Variants in PSAT1 observed in about 807,000 individuals in gnomAD.
PSAT1 encodes the protein phosphoserine aminotransferase.
Under a neutral mutation model 40.3 loss-of-function variants are expected in PSAT1, and 41 were observed. That is an observed-to-expected ratio of 1.02 (90% CI 0.79 to 1.32). The LOEUF (loss-of-function observed/expected upper bound fraction) is 1.32. PSAT1 is among the 40% of genes most tolerant of loss of function. PSAT1 has a pLI of 0.00. For synonymous variants in PSAT1, 147 were observed against 170.5 expected, an observed-to-expected ratio of 0.86 and a Z score of 1.07; for missense variants, 406 against 455.8, an observed-to-expected ratio of 0.89 and a Z score of 0.99.
At chr9:78,311,809 G>A (rs1211360524) in intron 6 of PSAT1, among the ~76,000 whole-genome samples, 7 of 151,866 alleles carry the variant, frequency 4.6e-5, no homozygotes, top group Admixed American at 4.6e-4. Flanking sequence ...TCCAGCCTGG[G>A]TGACAGAGTG....
At chr9:78,298,350 T>A in intron 1 of PSAT1, 1 of 985,190 alleles carries the variant, frequency 1.0e-6, no homozygotes, top group Non-Finnish European at 1.2e-6. Flanking sequence ...TTATCAATTG[T>A]TGAGCAGAGT....
At chr9:78,321,370 G>C (rs1828427171) in intron 7 of PSAT1, among the ~76,000 whole-genome samples, 1 of 152,156 alleles carries the variant, frequency 6.6e-6, no homozygotes, top group Admixed American at 6.5e-5. Context: ...GGCTGTGCCT[G>C]AACTCACTTA....
rs548518376 is a variant in PSAT1 at position 78,300,211 on chromosome 9, G to A, written c.61-391G>A. Among the ~76,000 whole-genome samples, 16 of 152,244 alleles carry A rather than the reference G, an allele frequency of 1.1e-4. No individual in the cohort carries two copies. The East Asian group carries it at 2.1e-3, about 20-fold the overall frequency. The stretch of plus-strand genomic sequence containing the variant: ...CTAGCACCTTAGACCAAAAGAGATC[G>A]GAAAATTGAGTTACCTGTATAATCT... On this transcript the variant is annotated intron_variant, in intron 1 of 8. Transcript: ENST00000376588.
intron 2 of PSAT1, 140 bp from the exon 3 acceptor site, chr9:78,301,814 T>C (rs1295021762): frequency 2.8e-6 from 2 of 720,546 alleles, no homozygotes; most frequent in Non-Finnish European, 5.0e-6. Context: ...CTAAACTAAG[T>C]GAGCCTTGGC....
At position 78,329,154 on chromosome 9, in the gene PSAT1, C is replaced by T; in HGVS notation, c.*68C>T. 8.7e-7 allele frequency: 1 copy of T among 1,149,478 alleles called. No homozygotes were observed. The highest frequency in any genetic ancestry group is 1.2e-5 in the South Asian group (1 of 80,922). The allele number at this position is 1,149,478 out of a possible 1,614,324, so 71.2% of individuals were successfully genotyped here. A position where few individuals can be genotyped will look rare whatever the true frequency, so the allele number is the denominator to read the frequency against. On this transcript the variant is annotated 3_prime_UTR_variant, in exon 9 of 9. Coordinates refer to ENST00000376588, the MANE Select transcript of PSAT1 (RefSeq NM_058179.4). ...AAAGTTTAAAGTAACTTGGGGATGG[C>T]TACAAAAAGTTAACACAGTATTTTT... is the stretch of plus-strand genomic sequence containing the variant.
intron 2 of PSAT1, 46 bp downstream of exon 2, chr9:78,300,708 AGC>A: frequency 1.4e-6 from 2 of 1,384,684 alleles, no homozygotes; most frequent in Non-Finnish European, 9.4e-7. Context: ...TTTCAAAGGA[AGC>A]TTTTTTTTTT....
chr9:78,306,285 C>T, intron 4 of PSAT1, 29 bp from the exon 5 acceptor site: 1 of 1,611,668 alleles, frequency 6.2e-7, no homozygotes, highest in Non-Finnish European at 8.5e-7. Context: ...GTGAAAAGTG[C>T]AAAGTCTCAA....
intron 6 of PSAT1, among the ~76,000 whole-genome samples, chr9:78,315,680 CT>C (rs1238565960): frequency 6.6e-6 from 1 of 152,188 alleles, no homozygotes; most frequent in Admixed American, 6.5e-5. Flanking sequence ...TGCTCCCTGC[CT>C]AAGGCCCCTC....
At chr9:78,324,753 A>G (rs1167812846) in intron 7 of PSAT1, among the ~76,000 whole-genome samples, 1 of 149,296 alleles carries the variant, frequency 6.7e-6, no homozygotes, top group Non-Finnish European at 1.5e-5. Context: ...ATGTTTCAGG[A>G]AAAAAAAAAG....
At chr9:78,312,451 T>C (rs1828281701) in intron 6 of PSAT1, among the ~76,000 whole-genome samples, 1 of 152,002 alleles carries the variant, frequency 6.6e-6, no homozygotes. Context: ...ATCCCAGCAC[T>C]TTGGGAGGTC....
Position 78,297,171 on chromosome 9 carries a change from C to G in PSAT1, c.-40C>G, listed in dbSNP as rs1313974888. 3.8e-6 allele frequency: 6 copies of G among 1,575,226 alleles called. No individual in the cohort carries two copies. The highest frequency in any genetic ancestry group is 2.7e-5 in the African/African-American group (2 of 74,274). On this transcript the variant is annotated 5_prime_UTR_variant, in exon 1 of 9. Coordinates refer to ENST00000376588, the MANE Select transcript of PSAT1 (RefSeq NM_058179.4). ...CAGGAACGCCAGCCGTTCACGCGTT[C>G]GGTCCTCCTTGGCTGACTCACCGCC...
intron 1 of PSAT1, among the ~76,000 whole-genome samples, chr9:78,299,298 T>C (rs1053763290): frequency 1.3e-5 from 2 of 151,876 alleles, no homozygotes; most frequent in African/African-American, 2.4e-5. Flanking sequence ...TTATAAACTT[T>C]TATAGAACTA....
At chr9:78,328,841 G>C (rs1164452956) in intron 8 of PSAT1, 140 bp from the exon 9 acceptor site, 1 of 712,194 alleles carries the variant, frequency 1.4e-6, no homozygotes, top group Non-Finnish European at 2.5e-6. Context: ...TCTGTGCCAG[G>C]TGTCGGGAGT....
At position 78,306,306 on chromosome 9, in the gene PSAT1, T is replaced by G. The variant is rs759853630; in HGVS notation, c.398-8T>G. 2 of 1,612,102 alleles carry G rather than the reference T, an allele frequency of 1.2e-6. No individual in the cohort carries two copies. Among genetic ancestry groups the G allele is most frequent in the Admixed American group, 3.3e-5 (2 of 60,030 alleles). On this transcript the variant is annotated splice_region_variant and splice_polypyrimidine_tract_variant and intron_variant, in intron 4 of 8. Coordinates refer to ENST00000376588, the MANE Select transcript of PSAT1 (RefSeq NM_058179.4). ...AGTGCAAAGTCTCAAACTTGTCTTCTGTGATAGAAATTCCAGATCCAAGCA... is the reference window on the plus strand; with the variant it reads ...AGTGCAAAGTCTCAAACTTGTCTTCGGTGATAGAAATTCCAGATCCAAGCA...
rs752271986 is a variant in PSAT1 at position 78,297,181 on chromosome 9, T to G, written c.-30T>G. 6.3e-7 allele frequency: 1 copy of G among 1,589,066 alleles called. No homozygotes were observed. On this transcript the variant is annotated 5_prime_UTR_variant, in exon 1 of 9. Coordinates refer to ENST00000376588, the MANE Select transcript of PSAT1 (RefSeq NM_058179.4). ...AGCCGTTCACGCGTTCGGTCCTCCT[T>G]GGCTGACTCACCGCCCTGGCCGCCG... is the stretch of plus-strand genomic sequence containing the variant.
At chr9:78,319,822 T>G (rs1412717978) in intron 7 of PSAT1, among the ~76,000 whole-genome samples, 1 of 152,122 alleles carries the variant, frequency 6.6e-6, no homozygotes, top group African/African-American at 2.4e-5. Flanking sequence ...TACAGTGTGT[T>G]TGGGGAGCAG....
chr9:78,321,836 C>T (rs1005061624), intron 7 of PSAT1, among the ~76,000 whole-genome samples: 7 of 152,182 alleles, frequency 4.6e-5, no homozygotes, highest in African/African-American at 1.7e-4. Flanking sequence ...ACAGTTTTCT[C>T]ATCTGTACAA....
At chr9:78,301,780 T>C (rs554044482) in intron 2 of PSAT1, among the ~76,000 whole-genome samples, 174 bp from the exon 3 acceptor site, 1 of 152,326 alleles carries the variant, frequency 6.6e-6, no homozygotes, top group Non-Finnish European at 1.5e-5. Flanking sequence ...TGTTTGCAAT[T>C]TGAAAATCAG....
At chr9:78,307,045 T>C (rs986038823) in intron 5 of PSAT1, among the ~76,000 whole-genome samples, 3 of 152,202 alleles carry the variant, frequency 2.0e-5, no homozygotes, top group Non-Finnish European at 4.4e-5. Context: ...AATTTTACCA[T>C]TTAATATAAA....
Sources: allele counts gnomAD v4.1 joint callset (sites outside exome capture counted in the v4.1 genomes callset), GRCh38; gene constraint gnomAD v4.1.1; transcripts MANE v1.5; gene names NCBI Gene and HGNC (gene_info 2026-07-23, HGNC 2026-07-21).